FAM124A: variants seen among roughly 807,000 people sequenced by gnomAD.
FAM124A encodes the protein protein FAM124A.
A neutral mutation model predicts 24.5 loss-of-function variants in FAM124A; 23 were observed. That is an observed-to-expected ratio of 0.94 (90% CI 0.68 to 1.33). FAM124A has a LOEUF of 1.33. Among genes scored for constraint, FAM124A ranks in the 40% most tolerant of loss-of-function variants. The pLI, the probability that FAM124A is intolerant of heterozygous loss-of-function variation, is 0.00. For synonymous variants in FAM124A, 287 were observed against 314.7 expected (o/e 0.91, Z 0.93); for missense variants, 623 against 722.8 (o/e 0.86, Z 1.58).
intron 3 of FAM124A, chr13:51,252,418 C>G (rs1181438417): frequency 6.3e-6 from 4 of 634,498 alleles, no homozygotes; most frequent in Non-Finnish European, 2.6e-6. Context: ...ATTTCACTTT[C>G]AGCAAACATG....
Position 51,281,245 on chromosome 13 carries a change from T to C in FAM124A, c.1630T>C (p.Phe544Leu). ...CCCCGGGGATAACGACATGGAGGAA[T>C]TCTACATCTGAATGCCCTCTGCTCT... Reference protein sequence around the residue: ...AGPGDNDMEEFYI With the variant: ...AGPGDNDMEELYI Residue 544 changes from phenylalanine (F) to leucine (L), a missense_variant, in exon 4 of 4, where the codon TTC (phenylalanine) becomes CTC (leucine). Phe to Leu is a conservative substitution (Grantham distance 22). Coordinates refer to ENST00000322475, the MANE Select transcript of FAM124A (RefSeq NM_001242312.2). The C allele has an allele frequency of 3.8e-6, 6 of 1,567,802 alleles. No homozygotes were observed. The highest frequency in any genetic ancestry group is 5.2e-6 in the Non-Finnish European group (6 of 1,160,580).
intron 3 of FAM124A, among the ~76,000 whole-genome samples, chr13:51,271,497 G>A (rs2137704413): frequency 6.6e-6 from 1 of 152,316 alleles, no homozygotes; most frequent in Non-Finnish European, 1.5e-5. Context: ...GGAAAAATCA[G>A]AAAGTTGGCC....
intron 1 of FAM124A, among the ~76,000 whole-genome samples, chr13:51,228,931 C>A (rs775289073): frequency 5.7e-4 from 86 of 152,152 alleles, no homozygotes; most frequent in Admixed American, 2.4e-3. Context: ...CAACCAGGAG[C>A]GATCATTTAG....
At position 51,222,564 on chromosome 13, in the gene FAM124A, C is replaced by A. The variant is rs899592775; in HGVS notation, c.63C>A (p.Thr21=). Residue 21 remains threonine (T), a synonymous_variant, in exon 1 of 4, where the codon ACC becomes ACA. Transcript: ENST00000322475. ...ACTGCGTGGACTCGGGCGCCGAGAC[C>A]GGAGGGTGAGCCGCGCCGGGCCGGG... ...EDDCVDSGAE[T]GGSDYSHLSS... 9 of 1,225,842 alleles carry A rather than the reference C, an allele frequency of 7.3e-6. No homozygotes were observed. In the African/African-American group the frequency reaches 1.4e-4, roughly 19 times the overall value. 75.9% of individuals were successfully genotyped at this position (1,225,842 alleles called of 1,614,324 possible). A position where few individuals can be genotyped will look rare whatever the true frequency, so the allele number is the denominator to read the frequency against.
chr13:51,248,939 C>G (rs2137673821), intron 2 of FAM124A, among the ~76,000 whole-genome samples: 1 of 152,296 alleles, frequency 6.6e-6, no homozygotes, highest in Non-Finnish European at 1.5e-5. Context: ...TTGCCTATAG[C>G]CAACTTTCCC....
chr13:51,271,437 A>T (rs1954839698), intron 3 of FAM124A, among the ~76,000 whole-genome samples: 1 of 152,192 alleles, frequency 6.6e-6, no homozygotes, highest in Non-Finnish European at 1.5e-5. Context: ...GTAGCCATAA[A>T]AATAGATGAG....
intron 2 of FAM124A, among the ~76,000 whole-genome samples, chr13:51,249,967 G>A (rs1382066408): frequency 6.6e-6 from 1 of 152,132 alleles, no homozygotes; most frequent in Non-Finnish European, 1.5e-5. Flanking sequence ...CAGCTTCTTT[G>A]TGTCCCCAGT....
chr13:51,269,707 T>C (rs1178179184), intron 3 of FAM124A, among the ~76,000 whole-genome samples: 1 of 152,240 alleles, frequency 6.6e-6, no homozygotes, highest in East Asian at 1.9e-4. Flanking sequence ...GCTAGACTTA[T>C]TAATAGAATA....
intron 3 of FAM124A, among the ~76,000 whole-genome samples, chr13:51,263,528 C>G (rs1157888783): frequency 6.6e-6 from 1 of 152,230 alleles, no homozygotes; most frequent in African/African-American, 2.4e-5. Context: ...AGTGAACCCT[C>G]TGCTACATGA....
At chr13:51,249,856 A>G (rs995916344) in intron 2 of FAM124A, among the ~76,000 whole-genome samples, 1 of 152,206 alleles carries the variant, frequency 6.6e-6, no homozygotes. Flanking sequence ...GCTGCTGCCT[A>G]TGGTTGTGCA....
At chr13:51,252,343 A>G (rs767210997) in intron 3 of FAM124A, 142 bp downstream of exon 3, 164 of 1,197,186 alleles carry the variant, frequency 1.4e-4, no homozygotes, top group Admixed American at 1.7e-4. Flanking sequence ...AGTCGAAGTC[A>G]AAGTGGCCAT....
intron 2 of FAM124A, among the ~76,000 whole-genome samples, chr13:51,244,721 G>A (rs1219838083): frequency 6.6e-6 from 1 of 152,178 alleles, no homozygotes; most frequent in Non-Finnish European, 1.5e-5. Context: ...TGCAGAGAGT[G>A]GTTGTGAGGG....
Position 51,259,893 on chromosome 13 carries a change from G to A in FAM124A, c.834+7692G>A, listed in dbSNP as rs148772493. ...GTGGAATGAATAAAAGAAGGAAAGG[G>A]AGGGAAGGTGGTGAAGATGGCAACC... On this transcript the variant is annotated intron_variant, in intron 3 of 3. Transcript: ENST00000322475. Among the ~76,000 whole-genome samples the A allele has an allele frequency of 6.1e-3, 922 of 152,322 alleles. 9 individuals are homozygous for A. Among genetic ancestry groups the A allele is most frequent in the African/African-American group, 0.021 (862 of 41,570 alleles).
Position 51,228,743 on chromosome 13 carries a change from C to T in FAM124A, c.69-2605C>T, listed in dbSNP as rs576946150. Among the ~76,000 whole-genome samples the T allele has an allele frequency of 3.9e-5, 6 of 152,246 alleles. No homozygotes were observed. The South Asian group carries it at 1.2e-3, about 32-fold the overall frequency. ...AAGCTTTGTAGTTTGTCTTTCCTAA[C>T]CGTATTTCTAGTAAATAAGCTTTTG... is the stretch of plus-strand genomic sequence containing the variant. On this transcript the variant is annotated intron_variant, in intron 1 of 3. Transcript: ENST00000322475.
At chr13:51,233,813 A>G (rs1181225413) in intron 2 of FAM124A, among the ~76,000 whole-genome samples, 1 of 152,272 alleles carries the variant, frequency 6.6e-6, no homozygotes. Flanking sequence ...TTTCCTAAGT[A>G]GATTTTTAAA....
chr13:51,275,045 A>G (rs1159007279), intron 3 of FAM124A, among the ~76,000 whole-genome samples: 2 of 152,130 alleles, frequency 1.3e-5, no homozygotes, highest in Non-Finnish European at 1.5e-5. Context: ...CTGGTTCACA[A>G]TGGCTACTGG....
chr13:51,251,890 A>G lies in FAM124A; in HGVS notation c.523A>G (p.Thr175Ala). 6.2e-7 allele frequency: 1 copy of G among 1,614,050 alleles called. No homozygotes were observed. The highest frequency in any genetic ancestry group is 8.5e-7 in the Non-Finnish European group (1 of 1,180,022). Residue 175 changes from threonine to alanine, a missense_variant, in exon 3 of 4, where the codon ACC (threonine) becomes GCC (alanine). By Grantham distance (58) the Thr-to-Ala change is moderately conservative. Coordinates refer to ENST00000322475, the MANE Select transcript of FAM124A (RefSeq NM_001242312.2). This position sits in a 1 kb window ranked among gnomAD's most constrained non-coding sequence, Gnocchi z 5.3. ...VHYGKEIVRFTVYCRYDNYAD... is the reference protein window; with the variant it reads ...VHYGKEIVRFAVYCRYDNYAD... ...CTACGGCAAGGAAATCGTGCGCTTC[A>G]CCGTCTACTGTCGCTACGACAACTA...
At chr13:51,264,603 C>T (rs985814355) in intron 3 of FAM124A, among the ~76,000 whole-genome samples, 8 of 152,060 alleles carry the variant, frequency 5.3e-5, no homozygotes, top group African/African-American at 1.2e-4. Flanking sequence ...CCACTGCACT[C>T]CAGCCTGGAC....
intron 2 of FAM124A, among the ~76,000 whole-genome samples, chr13:51,243,018 A>G (rs545039815): frequency 1.3e-5 from 2 of 152,372 alleles, no homozygotes; most frequent in South Asian, 2.1e-4. Context: ...TTCTTCAATT[A>G]CAGGACACTT....
Sources: gnomAD v4.1 joint callset for allele counts (sites outside exome capture counted in the v4.1 genomes callset) on GRCh38, gnomAD v4.1.1 for gene constraint, Gnocchi (gnomAD v3.1) non-coding constraint, MANE v1.5 for transcripts, NCBI Gene and HGNC (gene_info 2026-07-23, HGNC 2026-07-21) for gene names.